The following THSD7A variants were observed in gnomAD, a reference collection of about 807,000 sequenced individuals.
The protein encoded by THSD7A is thrombospondin type 1 domain containing 7A.
THSD7A carries 96 observed loss-of-function variants against 231.3 expected under a neutral mutation model. The ratio of observed to expected loss-of-function variants is 0.41; its 90% CI spans 0.35 to 0.49. The LOEUF (loss-of-function observed/expected upper bound fraction) is 0.49. THSD7A is among the 20% of genes least tolerant of loss of function. THSD7A has a pLI of 0.05. For missense variants in THSD7A, 2,290 were observed against 2,070.2 expected (o/e 1.11, Z -2.06); for synonymous variants, 940 against 743.3 (o/e 1.26, Z -4.30).
intron 1 of THSD7A, among the ~76,000 whole-genome samples, chr7:11,790,297 G>T (rs1416958469): frequency 6.6e-6 from 1 of 151,848 alleles, no homozygotes; most frequent in Non-Finnish European, 1.5e-5. Flanking sequence ...CTATTTAAAA[G>T]AGTGAGTTGT....
At chr7:11,736,453 CTGTGTGTGTGTG>C (rs61483307) in intron 1 of THSD7A, among the ~76,000 whole-genome samples, 6 of 143,530 alleles carry the variant, frequency 4.2e-5, no homozygotes, top group South Asian at 2.2e-4. Context: ...ACAGCAGACT[CTGTGTGTGTGTG>C]TGTGTGTGTG....
chr7:11,552,479 A>G (rs568449904), intron 4 of THSD7A, among the ~76,000 whole-genome samples: 8 of 152,246 alleles, frequency 5.3e-5, no homozygotes, highest in African/African-American at 1.9e-4. Context: ...ATCAGCCACA[A>G]AATTTTGAGC....
intron 1 of THSD7A, among the ~76,000 whole-genome samples, chr7:11,741,196 T>A (rs1782101224): frequency 1.3e-5 from 2 of 151,916 alleles, no homozygotes; most frequent in African/African-American, 4.8e-5. Flanking sequence ...TGTCATAGCT[T>A]TTCCTCCCGA....
intron 4 of THSD7A, among the ~76,000 whole-genome samples, chr7:11,585,067 T>C (rs1474638313): frequency 1.3e-5 from 2 of 152,206 alleles, no homozygotes; most frequent in African/African-American, 2.4e-5. Flanking sequence ...ACAGTACTCA[T>C]GTTTATCTGA....
At chr7:11,828,834 C>T (rs1288721224) in intron 1 of THSD7A, among the ~76,000 whole-genome samples, 4 of 152,018 alleles carry the variant, frequency 2.6e-5, no homozygotes, top group African/African-American at 9.7e-5. Flanking sequence ...TCTTGAACAA[C>T]ATGATTTGAT....
intron 1 of THSD7A, among the ~76,000 whole-genome samples, chr7:11,798,120 C>G (rs942971093): frequency 6.6e-6 from 1 of 152,040 alleles, no homozygotes; most frequent in African/African-American, 2.4e-5. Context: ...ATCTTTGTTC[C>G]ATTAAGACAG....
intron 1 of THSD7A, among the ~76,000 whole-genome samples, chr7:11,669,240 C>T (rs1281555241): frequency 6.6e-6 from 1 of 152,072 alleles, no homozygotes; most frequent in East Asian, 1.9e-4. Flanking sequence ...AGAAAAAGAT[C>T]TTTATCTCTA....
At position 11,445,510 on chromosome 7, in the gene THSD7A, G is replaced by A. The variant is rs573790883; in HGVS notation, c.3064+551C>T. Reference sequence around the variant, plus strand: ...TGCACATTTTTCTTTTTGTTTGTTCGTTTGTTTTATGTGTGTGTGTGTGTG... The same window carrying A: ...TGCACATTTTTCTTTTTGTTTGTTCATTTGTTTTATGTGTGTGTGTGTGTG... On this transcript the variant is annotated intron_variant, in intron 13 of 27. Transcript: ENST00000423059. Among the ~76,000 whole-genome samples, 23 of 128,596 alleles carry A rather than the reference G, an allele frequency of 1.8e-4. No homozygotes were observed. The South Asian group carries it at 4.8e-3, about 27-fold the overall frequency. 84.4% of individuals were successfully genotyped at this position (128,596 alleles called of 152,430 possible).
At chr7:11,610,751 G>A (rs772178487) in intron 2 of THSD7A, among the ~76,000 whole-genome samples, 2 of 152,026 alleles carry the variant, frequency 1.3e-5, no homozygotes, top group Non-Finnish European at 2.9e-5. Context: ...TAGATAAATT[G>A]CAACAAATAG....
At chr7:11,706,155 C>T (rs116695873) in intron 1 of THSD7A, among the ~76,000 whole-genome samples, 1 of 150,950 alleles carries the variant, frequency 6.6e-6, no homozygotes, top group Non-Finnish European at 1.5e-5. Context: ...GTTGTAATGT[C>T]AGACATCATA....
intron 1 of THSD7A, among the ~76,000 whole-genome samples, chr7:11,822,310 G>A (rs1784899871): frequency 6.6e-6 from 1 of 151,894 alleles, no homozygotes; most frequent in African/African-American, 2.4e-5. Context: ...TTGACTTTCT[G>A]TGCCTAGCTG....
At chr7:11,606,828 G>A (rs1780748800) in intron 2 of THSD7A, among the ~76,000 whole-genome samples, 1 of 152,014 alleles carries the variant, frequency 6.6e-6, no homozygotes, top group East Asian at 1.9e-4. Flanking sequence ...TGACAGCATG[G>A]CCACAGATTT....
At chr7:11,645,682 A>T (rs2128365812) in intron 1 of THSD7A, among the ~76,000 whole-genome samples, 1 of 151,922 alleles carries the variant, frequency 6.6e-6, no homozygotes, top group South Asian at 2.1e-4. Context: ...ACATCCCTAG[A>T]TTACATTGCT....
chr7:11,636,127 T>A lies in THSD7A; in HGVS notation c.1022+3A>T. On this transcript the variant is annotated splice_donor_region_variant and intron_variant, in intron 2 of 27. Coordinates refer to ENST00000423059, the MANE Select transcript of THSD7A (RefSeq NM_015204.3). The surrounding 1 kb of genome is among the most constrained non-coding windows in gnomAD (Gnocchi z 10.0). ...GTGTAGTTAACAGTAATTAAAATGT[T>A]ACCTTAAATCAGCAGCTTTCCCCGT... The A allele has an allele frequency of 6.2e-7, 1 of 1,605,476 alleles. No homozygotes were observed. The highest frequency in any genetic ancestry group is 1.3e-5 in the African/African-American group (1 of 74,524).
chr7:11,428,894 C>G (rs1784399405), intron 14 of THSD7A, 53 bp downstream of exon 14: 4 of 1,531,314 alleles, frequency 2.6e-6, no homozygotes, highest in Admixed American at 4.7e-5. Flanking sequence ...GAGAAAAAAT[C>G]AGATCATTGT....
intron 6 of THSD7A, among the ~76,000 whole-genome samples, chr7:11,528,495 G>A (rs1046990519): frequency 3.3e-5 from 5 of 152,056 alleles, no homozygotes; most frequent in African/African-American, 1.2e-4. Context: ...TTTCCTCAAA[G>A]AAAAATCAGG....
intron 1 of THSD7A, among the ~76,000 whole-genome samples, chr7:11,679,349 G>T (rs1783773848): frequency 6.6e-6 from 1 of 152,048 alleles, no homozygotes; most frequent in African/African-American, 2.4e-5. Flanking sequence ...TTCTGGCCAG[G>T]GCAGCCAGGC....
intron 1 of THSD7A, among the ~76,000 whole-genome samples, chr7:11,667,686 G>A (rs1361643656): frequency 3.3e-5 from 5 of 152,024 alleles, no homozygotes; most frequent in Non-Finnish European, 7.4e-5. Flanking sequence ...CATGTTAATG[G>A]CTAGACAAAT....
At chr7:11,815,653 T>C (rs892626481) in intron 1 of THSD7A, among the ~76,000 whole-genome samples, 4 of 152,190 alleles carry the variant, frequency 2.6e-5, no homozygotes, top group African/African-American at 7.2e-5. Context: ...AGAATTATAA[T>C]AGTTCATTTA....
Sources: allele counts gnomAD v4.1 joint callset (sites outside exome capture counted in the v4.1 genomes callset), GRCh38; gene constraint gnomAD v4.1.1; non-coding constraint Gnocchi (gnomAD v3.1); transcripts MANE v1.5; gene names NCBI Gene and HGNC (gene_info 2026-07-23, HGNC 2026-07-21).